SOX6: variants seen among roughly 807,000 people sequenced by gnomAD.
SOX6 encodes the protein transcription factor SOX-6.
A neutral mutation model predicts 97.8 loss-of-function variants in SOX6; 11 were observed. The ratio of observed to expected loss-of-function variants is 0.11; its 90% CI spans 0.07 to 0.19. The LOEUF is 0.19. Ranked by LOEUF, SOX6 falls within the 10% of genes least tolerant of loss-of-function variation. The probability of loss-of-function intolerance (pLI) is 1.00; values close to 1 mark genes in which losing one functional copy is unlikely to be tolerated. For synonymous variants in SOX6, 360 were observed against 371.4 expected, an observed-to-expected ratio of 0.97 and a Z score of 0.35; for missense variants, 810 against 1,039.5, an observed-to-expected ratio of 0.78 and a Z score of 3.04.
In SOX6 at chr11:16,221,496, T is replaced by C. The variant is rs1272611612; in HGVS notation, c.535+13086A>G. Among the ~76,000 whole-genome samples, 5 of 152,258 alleles carry C rather than the reference T, an allele frequency of 3.3e-5. No homozygotes were observed. In the South Asian group the frequency reaches 1.0e-3, roughly 32 times the overall value. ...TCAAGGAAAACCACCACTTGTGCTTTTATTGGCATTGGAAGCTGAACTTTA... is the reference window on the plus strand; with the variant it reads ...TCAAGGAAAACCACCACTTGTGCTTCTATTGGCATTGGAAGCTGAACTTTA... On this transcript the variant is annotated intron_variant, in intron 4 of 15. Transcript: ENST00000683767.
At chr11:16,586,211 T>C (rs1328757554) in intron 4 of SOX6, among the ~76,000 whole-genome samples, 1 of 151,884 alleles carries the variant, frequency 6.6e-6, no homozygotes, top group Non-Finnish European at 1.5e-5. Flanking sequence ...TATAATAAAA[T>C]ACCAAATGAG....
chr11:16,114,193 G>T (rs929415535), intron 6 of SOX6, among the ~76,000 whole-genome samples: 1 of 152,120 alleles, frequency 6.6e-6, no homozygotes, highest in Admixed American at 6.6e-5. Flanking sequence ...TAATACGATA[G>T]TGTGATTACA....
intron 4 of SOX6, among the ~76,000 whole-genome samples, chr11:16,558,721 G>A (rs1264563012): frequency 1.3e-5 from 2 of 151,970 alleles, no homozygotes; most frequent in African/African-American, 4.8e-5. Context: ...TGAACTAGTT[G>A]TGAAACCTAA....
rs1848319659 is a variant in SOX6 at position 16,605,151 on chromosome 11, G to A, written n.609+6930C>T. ...GCCGAGCCCGGGAGCAGCGGACCGC[G>A]GCCCCGGCTGCAGAGGAACGGCGGG... On this transcript the variant is annotated intron_variant and non_coding_transcript_variant, in intron 4 of 5. Coordinates refer to the SOX6 transcript ENST00000524520. The surrounding 1 kb of genome is among the most constrained non-coding windows in gnomAD (Gnocchi z 5.3). 6.6e-6 allele frequency among the ~76,000 whole-genome samples: 1 copy of A among 151,932 alleles called. No homozygotes were observed. The highest frequency in any genetic ancestry group is 6.6e-5 in the Admixed American group (1 of 15,264).
intron 4 of SOX6, among the ~76,000 whole-genome samples, chr11:16,202,911 C>A (rs1398628516): frequency 1.3e-5 from 2 of 151,952 alleles, no homozygotes; most frequent in African/African-American, 4.8e-5. Flanking sequence ...CAAGCAAACA[C>A]CAAAATACAT....
intron 1 of SOX6, among the ~76,000 whole-genome samples, chr11:16,452,760 G>T (rs1859742550): frequency 6.6e-6 from 1 of 152,086 alleles, no homozygotes; most frequent in Non-Finnish European, 1.5e-5. Context: ...GCAAAAAAAT[G>T]GACATATAAA....
intron 4 of SOX6, among the ~76,000 whole-genome samples, chr11:16,583,619 A>ATATATATATATATATACATATG (rs1554976109): frequency 1.3e-5 from 1 of 74,548 alleles, no homozygotes; most frequent in Non-Finnish European, 2.5e-5. Flanking sequence ...ATATACATAT[A>ATATATATATATATATACATATG]TATATATATA....
chr11:16,138,262 A>G (rs1321421392), intron 6 of SOX6, among the ~76,000 whole-genome samples: 2 of 152,216 alleles, frequency 1.3e-5, no homozygotes, highest in African/African-American at 2.4e-5. Flanking sequence ...CAACAACACT[A>G]TTCAGTGGGG....
At position 16,186,845 on chromosome 11, in the gene SOX6, C is replaced by A. The variant is rs759076865; in HGVS notation, c.646G>T (p.Ala216Ser). 14 of 1,613,638 alleles carry A rather than the reference C, an allele frequency of 8.7e-6. No individual in the cohort carries two copies. The highest frequency in any genetic ancestry group is 1.2e-5 in the Non-Finnish European group (14 of 1,179,832). ...CGTTGTTTCTCAATTTGTGACGCTG[C>A]CAGTTTTTTCTGTTCATCATGCGCT... ...LAAHDEQKKL[A>S]ASQIEKQRQQ... The change falls in exon 5 of 16, where the codon GCA (alanine) becomes TCA (serine). Residue 216 changes from alanine to serine, a missense_variant. Around this residue, in one of 9 missense-constraint regions of SOX6, gnomAD observed 110 missense variants for 119.0 expected, o/e 0.92. Coordinates refer to ENST00000683767, the MANE Select transcript of SOX6 (RefSeq NM_001367873.1).
intron 4 of SOX6, among the ~76,000 whole-genome samples, chr11:16,487,149 G>C (rs1860449015): frequency 6.6e-6 from 1 of 152,036 alleles, no homozygotes. Flanking sequence ...TTACAGAAAA[G>C]ATTCTCAATG....
At chr11:16,296,609 T>C (rs926277247) in intron 3 of SOX6, among the ~76,000 whole-genome samples, 1 of 152,136 alleles carries the variant, frequency 6.6e-6, no homozygotes, top group African/African-American at 2.4e-5. Context: ...TATGTTTTGG[T>C]GAAAATGTTT....
chr11:16,033,890 A>C (rs1855449852), intron 12 of SOX6, among the ~76,000 whole-genome samples: 2 of 152,126 alleles, frequency 1.3e-5, no homozygotes, highest in Non-Finnish European at 2.9e-5. Context: ...AACAAACAAA[A>C]AATAAATAAA....
At chr11:16,214,545 C>T (rs1367198657) in intron 4 of SOX6, among the ~76,000 whole-genome samples, 1 of 152,144 alleles carries the variant, frequency 6.6e-6, no homozygotes, top group Non-Finnish European at 1.5e-5. Flanking sequence ...CTTAGAGTGA[C>T]TCAACTGCTA....
intron 1 of SOX6, among the ~76,000 whole-genome samples, chr11:16,415,684 C>G (rs1415082710): frequency 6.6e-6 from 1 of 152,026 alleles, no homozygotes; most frequent in Non-Finnish European, 1.5e-5. Context: ...TAAATATGTA[C>G]AATTATTATG....
intron 13 of SOX6, among the ~76,000 whole-genome samples, chr11:16,005,041 A>C (rs1854507000): frequency 6.6e-6 from 1 of 152,030 alleles, no homozygotes; most frequent in Non-Finnish European, 1.5e-5. Flanking sequence ...TAGCAGTAAT[A>C]ATGGCAACAG....
intron 7 of SOX6, among the ~76,000 whole-genome samples, chr11:16,111,318 A>G (rs543796202): frequency 1.3e-5 from 2 of 152,286 alleles, no homozygotes; most frequent in African/African-American, 4.8e-5. Context: ...TGAATACTTC[A>G]TTTTTTTAGA....
intron 4 of SOX6, among the ~76,000 whole-genome samples, chr11:16,568,162 C>T (rs1847897718): frequency 6.6e-6 from 1 of 151,840 alleles, no homozygotes. Flanking sequence ...AGGCTTGGGT[C>T]CCATCCCCAA....
intron 3 of SOX6, chr11:16,313,638 C>T (rs190296111): frequency 6.6e-5 from 10 of 152,018 alleles, no homozygotes; most frequent in African/African-American, 2.4e-4. Context: ...TTTTAATGAC[C>T]CTTTCTATAA....
In SOX6 at chr11:16,610,344, T is replaced by C. The variant is rs1848381745; in HGVS notation, n.609+1737A>G. Among the ~76,000 whole-genome samples the C allele has an allele frequency of 6.6e-6, 1 of 152,160 alleles. No homozygotes were observed. The highest frequency in any genetic ancestry group is 6.5e-5 in the Admixed American group (1 of 15,282). ...CGGAAAGGCTGGAGCGCGACTGGGTTCCTCCAATTTGCTGCGACAAGTTTG... is the reference window on the plus strand; with the variant it reads ...CGGAAAGGCTGGAGCGCGACTGGGTCCCTCCAATTTGCTGCGACAAGTTTG... On this transcript the variant is annotated intron_variant and non_coding_transcript_variant, in intron 4 of 5. Transcript: ENST00000524520. The surrounding 1 kb of genome is among the most constrained non-coding windows in gnomAD (Gnocchi z 4.4).
Sources: gnomAD v4.1 joint callset for allele counts (sites outside exome capture counted in the v4.1 genomes callset) on GRCh38, gnomAD v4.1.1 for gene constraint, gnomAD v4.1.1 regional missense constraint, Gnocchi (gnomAD v3.1) non-coding constraint, MANE v1.5 for transcripts, NCBI Gene and HGNC (gene_info 2026-07-23, HGNC 2026-07-21) for gene names.